The following SEPHS1 variants were observed in gnomAD, a reference collection of about 807,000 sequenced individuals.
The protein encoded by SEPHS1 is selenophosphate synthetase 1.
Under a neutral mutation model 39.2 loss-of-function variants are expected in SEPHS1, and 7 were observed. The ratio of observed to expected loss-of-function variants is 0.18; its 90% confidence interval spans 0.10 to 0.34. The LOEUF (loss-of-function observed/expected upper bound fraction) is 0.34, where lower values mean the gene tolerates loss of function less well. Ranked by LOEUF, SEPHS1 falls within the 10% of genes least tolerant of loss-of-function variation. SEPHS1 has a pLI of 1.00. For missense variants in SEPHS1, 253 were observed against 514.5 expected, an observed-to-expected ratio of 0.49 and a Z score of 4.92; for synonymous variants, 190 against 195.5, an observed-to-expected ratio of 0.97 and a Z score of 0.23.
chr10:13,343,021 C>A (rs1386002582), intron 2 of SEPHS1, among the ~76,000 whole-genome samples: 3 of 152,128 alleles, frequency 2.0e-5, no homozygotes, highest in Non-Finnish European at 2.9e-5. Flanking sequence ...AGGTGTGAGC[C>A]ACCGCACCCA....
chr10:13,338,573 G>A lies in SEPHS1; in HGVS notation c.297+132C>T, dbSNP rs527667094. On this transcript the variant is annotated intron_variant, in intron 3 of 8. Transcript: ENST00000327347. ...TTCAGCAACTGCAGGAGTCTGGGCA[G>A]GGTGGGGCAGTATAGTCGGGATATA... 3.3e-5 allele frequency: 22 copies of A among 676,718 alleles called. No homozygotes were observed. The African/African-American group carries it at 3.9e-4, about 12-fold the overall frequency. 41.9% of individuals were successfully genotyped at this position (676,718 alleles called of 1,614,324 possible).
At position 13,322,849 on chromosome 10, in the gene SEPHS1, C is replaced by T; in HGVS notation, c.950G>A (p.Cys317Tyr). Reference protein sequence around the residue: ...GNMFGLMHGTCPETSGGLLIC... With the variant: ...GNMFGLMHGTYPETSGGLLIC... ...GCATCCTGTACCTGAAGTCTCCGGG[C>T]AGGTCCCGTGCATGAGGCCGAACAT... The change falls in exon 8 of 9, where the codon TGC (cysteine) becomes TAC (tyrosine). Residue 317 changes from cysteine (C) to tyrosine (Y), a missense_variant. Cys to Tyr is a radical substitution (Grantham distance 194). Around this residue, in one of 4 missense-constraint regions of SEPHS1, gnomAD observed 107 missense variants for 257.1 expected, o/e 0.42. Coordinates refer to ENST00000327347, the MANE Select transcript of SEPHS1 (RefSeq NM_012247.5). 6.2e-7 allele frequency: 1 copy of T among 1,613,562 alleles called. No homozygotes were observed. Among genetic ancestry groups the T allele is most frequent in the Non-Finnish European group, 8.5e-7 (1 of 1,179,850 alleles).
intron 8 of SEPHS1, among the ~76,000 whole-genome samples, chr10:13,320,187 A>ATT (rs991848446): frequency 1.4e-3 from 204 of 146,032 alleles, no homozygotes; most frequent in African/African-American, 4.7e-3. Flanking sequence ...TAGGCCATAA[A>ATT]TTTTTTTTTT....
chr10:13,321,542 T>C (rs796075001), intron 8 of SEPHS1, among the ~76,000 whole-genome samples: 1 of 152,136 alleles, frequency 6.6e-6, no homozygotes, highest in South Asian at 2.1e-4. Flanking sequence ...CATGTGTATA[T>C]TTAAAATCCT....
At chr10:13,324,697 ACCT>A (rs1358933092) in intron 7 of SEPHS1, among the ~76,000 whole-genome samples, 1 of 152,104 alleles carries the variant, frequency 6.6e-6, no homozygotes, top group African/African-American at 2.4e-5. Context: ...TGCAGCCTCG[ACCT>A]CCTGGGCTCA....
chr10:13,322,880 C>T lies in SEPHS1; in HGVS notation c.919G>A (p.Gly307Arg). The T allele has an allele frequency of 6.2e-7, 1 of 1,613,940 alleles. No individual in the cohort carries two copies. Among genetic ancestry groups the T allele is most frequent in the Non-Finnish European group, 8.5e-7 (1 of 1,179,880 alleles). ...AKMAAVSKAC[G>R]NMFGLMHGTC... ...CCGTGCATGAGGCCGAACATGTTTCCGCAGGCCTTGCTCACCGCAGCCATC... is the reference window on the plus strand; with the variant it reads ...CCGTGCATGAGGCCGAACATGTTTCTGCAGGCCTTGCTCACCGCAGCCATC... Residue 307 changes from glycine to arginine, a missense_variant, in exon 8 of 9, where the codon GGA (glycine) becomes AGA (arginine). By Grantham distance (125) the Gly-to-Arg change is moderately radical. Around this residue, in one of 4 missense-constraint regions of SEPHS1, gnomAD observed 107 missense variants for 257.1 expected, o/e 0.42. Transcript: ENST00000327347.
At chr10:13,324,798 G>C (rs1233891749) in intron 7 of SEPHS1, among the ~76,000 whole-genome samples, 1 of 152,210 alleles carries the variant, frequency 6.6e-6, no homozygotes, top group Non-Finnish European at 1.5e-5. Context: ...TTTTTTGGTA[G>C]AGATGGGGTT....
intron 5 of SEPHS1, among the ~76,000 whole-genome samples, chr10:13,333,164 G>A (rs995129839): frequency 6.1e-5 from 9 of 147,846 alleles, no homozygotes; most frequent in South Asian, 2.1e-4. Context: ...ATGGAGTTTC[G>A]CTCTTGTTGC....
intron 5 of SEPHS1, 51 bp from the exon 6 acceptor site, chr10:13,329,839 C>T (rs376521416): frequency 3.6e-6 from 5 of 1,390,712 alleles, no homozygotes; most frequent in Non-Finnish European, 5.0e-6. Flanking sequence ...AGGAGATGAG[C>T]TCATTGTTAT....
intron 7 of SEPHS1, among the ~76,000 whole-genome samples, chr10:13,323,946 CCTA>C (rs1336066848): frequency 6.6e-6 from 1 of 152,056 alleles, no homozygotes; most frequent in Non-Finnish European, 1.5e-5. Context: ...CATCCACTCA[CCTA>C]CTATTATTTA....
intron 4 of SEPHS1, among the ~76,000 whole-genome samples, chr10:13,336,019 G>A (rs1833621593): frequency 6.6e-6 from 1 of 150,856 alleles, no homozygotes; most frequent in African/African-American, 2.4e-5. Context: ...TCAGTCTACT[G>A]GGAAGAGAGA....
intron 2 of SEPHS1, among the ~76,000 whole-genome samples, chr10:13,344,212 G>A (rs565390212): frequency 1.5e-3 from 222 of 152,178 alleles, no homozygotes; most frequent in Non-Finnish European, 2.2e-3. Context: ...TACAGCACAA[G>A]AACCCTAAGG....
intron 4 of SEPHS1, 27 bp downstream of exon 4, chr10:13,336,216 G>T: frequency 6.6e-7 from 1 of 1,512,530 alleles, no homozygotes; most frequent in Non-Finnish European, 9.2e-7. Context: ...ACACGGACCA[G>T]GCAGCAGCCG....
At chr10:13,323,717 G>A (rs1272821608) in intron 7 of SEPHS1, among the ~76,000 whole-genome samples, 4 of 151,648 alleles carry the variant, frequency 2.6e-5, no homozygotes, top group African/African-American at 4.8e-5. Flanking sequence ...GGTGAATTGC[G>A]TGCAAGTTTA....
rs1832995285 is a variant in SEPHS1 at position 13,318,079 on chromosome 10, AT to A, written c.*1062del. ...AGGGGCATCTGATTATACAAGAGCA[AT>A]TTAAAAAATTAAATATTTATTTGAA... On this transcript the variant is annotated 3_prime_UTR_variant, in exon 9 of 9. Transcript: ENST00000327347. 1 of 152,242 alleles carries A rather than the reference AT, an allele frequency of 6.6e-6. No individual in the cohort carries two copies. The allele number at this position is 152,242 out of a possible 1,614,324, so 9.4% of individuals were successfully genotyped here. A position where few individuals can be genotyped will look rare whatever the true frequency, so the allele number is the denominator to read the frequency against.
intron 2 of SEPHS1, among the ~76,000 whole-genome samples, chr10:13,339,711 T>C (rs1190570068): frequency 6.6e-6 from 1 of 152,156 alleles, no homozygotes; most frequent in Non-Finnish European, 1.5e-5. Flanking sequence ...AATATTTGCA[T>C]ATAACCTACA....
chr10:13,321,447 C>T (rs770000225), intron 8 of SEPHS1, among the ~76,000 whole-genome samples: 1 of 152,020 alleles, frequency 6.6e-6, no homozygotes, highest in Non-Finnish European at 1.5e-5. Context: ...AGGGTTTCAC[C>T]ATGTTGGTCA....
At chr10:13,327,240 CAAAAA>C (rs34788028) in intron 7 of SEPHS1, among the ~76,000 whole-genome samples, 7 of 82,772 alleles carry the variant, frequency 8.5e-5, no homozygotes, top group Admixed American at 1.4e-4. Flanking sequence ...GATTCTGTCT[CAAAAA>C]AAAAAAAAAA....
intron 2 of SEPHS1, among the ~76,000 whole-genome samples, chr10:13,342,847 C>T (rs1833834817): frequency 6.6e-6 from 1 of 151,924 alleles, no homozygotes; most frequent in African/African-American, 2.4e-5. Flanking sequence ...GGGATCCTCC[C>T]ACCTCAGCCT....
Sources: allele counts gnomAD v4.1 joint callset (sites outside exome capture counted in the v4.1 genomes callset), GRCh38; gene constraint gnomAD v4.1.1; regional missense constraint gnomAD v4.1.1; transcripts MANE v1.5; gene names NCBI Gene and HGNC (gene_info 2026-07-23, HGNC 2026-07-21).